SLC23A2: variants seen among roughly 807,000 people sequenced by gnomAD.
The protein encoded by SLC23A2 is solute carrier family 23 member 2.
In SLC23A2, 36 loss-of-function variants were observed where a neutral mutation model predicts 73.3. The ratio of observed to expected loss-of-function variants is 0.49; its 90% confidence interval spans 0.38 to 0.65. SLC23A2 has a LOEUF of 0.65. Ranked by LOEUF, SLC23A2 falls within the 30% of genes least tolerant of loss-of-function variation. The pLI is 0.00. For synonymous variants in SLC23A2, 343 were observed against 327.3 expected (o/e 1.05, Z -0.52); for missense variants, 507 against 841.6 (o/e 0.60, Z 4.92).
chr20:5,005,023 A>ATAAATAAATAAG (rs2088175531), upstream of SLC23A2, among the ~76,000 whole-genome samples: 1 of 150,772 alleles, frequency 6.6e-6, no homozygotes. Context: ...AAATAAATAA[A>ATAAATAAATAAG]TAAATAAATA....
intron 1 of SLC23A2, among the ~76,000 whole-genome samples, chr20:4,982,390 G>A (rs1407451441): frequency 2.0e-5 from 3 of 152,162 alleles, no homozygotes. Context: ...GATAAACATT[G>A]TCTCAAGAAA....
At chr20:4,913,636 T>C (rs1199528597) in intron 3 of SLC23A2, among the ~76,000 whole-genome samples, 1 of 152,018 alleles carries the variant, frequency 6.6e-6, no homozygotes, top group Non-Finnish European at 1.5e-5. Context: ...GTTGTTTCGT[T>C]TTGTTTTTGA....
intron 2 of SLC23A2, among the ~76,000 whole-genome samples, chr20:4,964,011 A>AT (rs11389980): frequency 0.55 from 81,271 of 147,164 alleles, 22,290 homozygotes; most frequent in South Asian, 0.62. Context: ...CCATTAACTT[A>AT]TTTTTTTTTT....
intron 5 of SLC23A2, among the ~76,000 whole-genome samples, chr20:4,900,807 T>TC (rs1263618204): frequency 3.3e-5 from 5 of 151,730 alleles, no homozygotes; most frequent in Admixed American, 6.6e-5. Context: ...CTCACTTCCC[T>TC]CCCTTCCCCT....
At chr20:4,897,819 C>T (rs1212053070) in intron 6 of SLC23A2, among the ~76,000 whole-genome samples, 1 of 152,214 alleles carries the variant, frequency 6.6e-6, no homozygotes, top group East Asian at 1.9e-4. Context: ...ACACGGTACA[C>T]ACTTCACTGC....
chr20:4,869,370 G>A (rs2122791188), intron 12 of SLC23A2, among the ~76,000 whole-genome samples: 1 of 147,666 alleles, frequency 6.8e-6, no homozygotes, highest in African/African-American at 2.5e-5. Context: ...GCAGTGAAGA[G>A]CTTGTTTTGC....
At chr20:4,996,240 T>C (rs1369817869) in intron 1 of SLC23A2, among the ~76,000 whole-genome samples, 2 of 152,278 alleles carry the variant, frequency 1.3e-5, no homozygotes, top group East Asian at 1.9e-4. Context: ...CTTATCAAAC[T>C]GCACTTCCAT....
intron 4 of SLC23A2, among the ~76,000 whole-genome samples, chr20:4,911,083 G>T (rs1321642820): frequency 6.6e-6 from 1 of 152,184 alleles, no homozygotes; most frequent in African/African-American, 2.4e-5. Context: ...TGGCATAGAG[G>T]ATTATATGTG....
At chr20:4,909,621 T>C (rs963496948) in intron 4 of SLC23A2, among the ~76,000 whole-genome samples, 1 of 152,210 alleles carries the variant, frequency 6.6e-6, no homozygotes, top group African/African-American at 2.4e-5. Flanking sequence ...TAGTGCTATC[T>C]TGGCTCACTA....
intron 1 of SLC23A2, among the ~76,000 whole-genome samples, chr20:4,997,817 G>A (rs952025865): frequency 2.5e-5 from 3 of 122,350 alleles, no homozygotes; most frequent in African/African-American, 8.5e-5. Context: ...ATTTTATTTT[G>A]TAGAGACAGA....
intron 2 of SLC23A2, among the ~76,000 whole-genome samples, chr20:4,962,399 C>T (rs942097368): frequency 6.6e-6 from 1 of 152,016 alleles, no homozygotes; most frequent in African/African-American, 2.4e-5. Flanking sequence ...ACTGGGGAGG[C>T]AAGAGGAAGC....
At chr20:4,988,976 T>C (rs1014114575) in intron 1 of SLC23A2, among the ~76,000 whole-genome samples, 8 of 151,154 alleles carry the variant, frequency 5.3e-5, no homozygotes, top group Non-Finnish European at 1.0e-4. Context: ...GTGGCTCACA[T>C]TTGTAATCCC....
intron 2 of SLC23A2, among the ~76,000 whole-genome samples, chr20:4,935,723 T>C (rs1715360): frequency 0.096 from 14,620 of 151,662 alleles, 868 homozygotes; most frequent in African/African-American, 0.17. Context: ...GGCGTGAACC[T>C]GGGAGGTGGA....
intron 9 of SLC23A2, among the ~76,000 whole-genome samples, chr20:4,881,669 C>A (rs1930888487): frequency 6.6e-6 from 1 of 152,096 alleles, no homozygotes. Context: ...TTTATTAATT[C>A]GTTCCCCCTG....
At position 4,863,029 on chromosome 20, in the gene SLC23A2, A is replaced by C; in HGVS notation, c.1357-122T>G. 1 of 926,708 alleles carries C rather than the reference A, an allele frequency of 1.1e-6. No individual in the cohort carries two copies. Among genetic ancestry groups the C allele is most frequent in the Non-Finnish European group, 1.6e-6 (1 of 622,980 alleles). 57.4% of individuals were successfully genotyped at this position (926,708 alleles called of 1,614,324 possible). A position where few individuals can be genotyped will look rare whatever the true frequency, so the allele number is the denominator to read the frequency against. On this transcript the variant is annotated intron_variant, in intron 13 of 16. Coordinates refer to ENST00000338244, the MANE Select transcript of SLC23A2 (RefSeq NM_005116.6). The surrounding 1 kb of genome is among the most constrained non-coding windows in gnomAD (Gnocchi z 4.8). ...GGCTCGCTACCTTCACCTCCTCCTC[A>C]GCCCACTCTTCTCACCTCCACTGTG...
chr20:4,923,644 C>G (rs2122922028), intron 3 of SLC23A2, among the ~76,000 whole-genome samples: 1 of 152,276 alleles, frequency 6.6e-6, no homozygotes, highest in South Asian at 2.1e-4. Context: ...AGAACATTTT[C>G]CCAGACAACT....
At chr20:5,001,334 C>A (rs1453754900) in intron 1 of SLC23A2, 72 bp downstream of exon 1, 14 of 146,426 alleles carry the variant, frequency 9.6e-5, no homozygotes, top group African/African-American at 3.4e-4. Context: ...GTGGGCGCGG[C>A]GAGCACCTCG....
chr20:4,866,956 T>C (rs1318512953), intron 13 of SLC23A2, among the ~76,000 whole-genome samples: 9 of 151,144 alleles, frequency 6.0e-5, no homozygotes, highest in Admixed American at 5.9e-4. Context: ...GTGGGTCATC[T>C]CTTAATTTAA....
chr20:4,867,625 TA>T (rs11476144), intron 13 of SLC23A2, 144 bp downstream of exon 13: 77,028 of 294,728 alleles, frequency 0.26, 3,116 homozygotes, highest in African/African-American at 0.39. Context: ...TATAAACACT[TA>T]AAAAAAAAAA....
Sources: gnomAD v4.1 joint callset for allele counts (sites outside exome capture counted in the v4.1 genomes callset) on GRCh38, gnomAD v4.1.1 for gene constraint, Gnocchi (gnomAD v3.1) non-coding constraint, MANE v1.5 for transcripts, NCBI Gene and HGNC (gene_info 2026-07-23, HGNC 2026-07-21) for gene names.